Variants in NAA60 observed in about 807,000 individuals in gnomAD.
NAA60 encodes the protein N-alpha-acetyltransferase 60.
NAA60 carries 8 observed loss-of-function variants against 26.1 expected under a neutral mutation model. The observed-to-expected ratio is 0.31, with a 90% confidence interval of 0.18 to 0.55. The LOEUF (loss-of-function observed/expected upper bound fraction) is 0.55, where lower values mean the gene tolerates loss of function less well. NAA60 is among the 20% of genes least tolerant of loss of function. The probability of loss-of-function intolerance (pLI) is 0.93; values close to 1 mark genes in which losing one functional copy is unlikely to be tolerated. For missense variants in NAA60, 290 were observed against 311.3 expected (o/e 0.93, Z 0.51); for synonymous variants, 131 against 122.5 (o/e 1.07, Z -0.46).
intron 3 of NAA60, among the ~76,000 whole-genome samples, chr16:3,479,007 G>C (rs768029577): frequency 9.2e-5 from 14 of 152,030 alleles, no homozygotes; most frequent in Non-Finnish European, 1.9e-4. Context: ...AGGCCAAGAC[G>C]GGCAGATCAC....
intron 2 of NAA60, chr16:3,450,055 G>T: frequency 2.5e-6 from 1 of 397,308 alleles, no homozygotes; most frequent in South Asian, 1.3e-4. Flanking sequence ...GAAGAAGAAG[G>T]AACTAAAGAA....
At chr16:3,449,853 T>G (rs2034704194) in intron 2 of NAA60, 4 of 373,126 alleles carry the variant, frequency 1.1e-5, no homozygotes, top group East Asian at 3.7e-5. Context: ...GGAGTTTCCC[T>G]GCACAAGCCC....
intron 2 of NAA60, among the ~76,000 whole-genome samples, chr16:3,463,748 G>T (rs2035565684): frequency 1.3e-5 from 2 of 151,710 alleles, no homozygotes; most frequent in Non-Finnish European, 1.5e-5. Context: ...GCTTGTGCCT[G>T]TAATCCTAGC....
intron 2 of NAA60, among the ~76,000 whole-genome samples, chr16:3,470,307 C>T (rs1049897477): frequency 6.6e-6 from 1 of 152,178 alleles, no homozygotes; most frequent in Non-Finnish European, 1.5e-5. Flanking sequence ...TCCAGGGAAG[C>T]CCAGGTACAC....
intron 2 of NAA60, among the ~76,000 whole-genome samples, chr16:3,466,070 C>A (rs905979492): frequency 3.3e-5 from 5 of 152,228 alleles, no homozygotes; most frequent in African/African-American, 1.2e-4. Flanking sequence ...CCCAGCAGAT[C>A]CGTACGTTTT....
chr16:3,476,405 G>C (rs2036486799), intron 3 of NAA60, 68 bp downstream of exon 3: 2 of 1,337,894 alleles, frequency 1.5e-6, no homozygotes, highest in Admixed American at 1.9e-5. Context: ...GGGCGGCGGG[G>C]GTGGGGGCCT....
At chr16:3,482,633 C>A in intron 5 of NAA60, 35 bp downstream of exon 5, 2 of 1,492,286 alleles carry the variant, frequency 1.3e-6, no homozygotes, top group Non-Finnish European at 1.8e-6. Context: ...TGGCGCCCAC[C>A]CCACCCCCTT....
intron 1 of NAA60, among the ~76,000 whole-genome samples, chr16:3,446,839 GGC>G (rs923596424): frequency 5.3e-5 from 8 of 152,028 alleles, no homozygotes; most frequent in African/African-American, 1.9e-4. Context: ...TCAAACTCCT[GGC>G]CTCAAGTGAT....
chr16:3,469,952 C>T (rs1373234295), intron 2 of NAA60, among the ~76,000 whole-genome samples: 2 of 152,216 alleles, frequency 1.3e-5, no homozygotes, highest in South Asian at 2.1e-4. Context: ...CATCACTGTG[C>T]TCAAGGAAGG....
At chr16:3,458,208 G>T (rs995149130) in intron 2 of NAA60, 287 of 983,780 alleles carry the variant, frequency 2.9e-4, no homozygotes, top group Non-Finnish European at 3.4e-4. Context: ...CGGCCGCCGG[G>T]GCTCGGACCT....
At chr16:3,445,210 A>T (rs2150938999) in intron 1 of NAA60, among the ~76,000 whole-genome samples, 1 of 151,220 alleles carries the variant, frequency 6.6e-6, no homozygotes, top group South Asian at 2.1e-4. Flanking sequence ...AGTAAAGGAG[A>T]TGTTCATGGT....
At chr16:3,465,861 A>AC (rs766807983) in intron 2 of NAA60, among the ~76,000 whole-genome samples, 20 of 152,238 alleles carry the variant, frequency 1.3e-4, no homozygotes, top group Non-Finnish European at 2.4e-4. Flanking sequence ...AGACCCCGAT[A>AC]CCCAGGGTAG....
At chr16:3,460,901 C>T (rs2035347430) in intron 2 of NAA60, among the ~76,000 whole-genome samples, 1 of 152,190 alleles carries the variant, frequency 6.6e-6, no homozygotes, top group African/African-American at 2.4e-5. Context: ...AGGATCAGGA[C>T]TCCTTCCCTA....
chr16:3,485,070 C>A lies in NAA60; in HGVS notation c.*206+9C>A, dbSNP rs895900931. ...ATGCCCATCCGTGGCAGGTACGCCA[C>A]AGCAGACACAAAGGTATGGGAGCTT... On this transcript the variant is annotated intron_variant, in intron 7 of 7. Coordinates refer to ENST00000407558, the MANE Select transcript of NAA60 (RefSeq NM_001083601.3). The A allele has an allele frequency of 7.0e-7, 1 of 1,421,968 alleles. No individual in the cohort carries two copies. 88.1% of individuals were successfully genotyped at this position (1,421,968 alleles called of 1,614,324 possible).
In NAA60 at chr16:3,476,178, G is replaced by A. The variant is rs767941390; in HGVS notation, c.-6-44G>A. ...TGCCTCACAAGCTGAGCATGAGGAA[G>A]ACCAGGCTGTGAGGTGACGCGTCCC... is the stretch of plus-strand genomic sequence containing the variant. On this transcript the variant is annotated intron_variant, in intron 2 of 7. Transcript: ENST00000407558. 1.4e-5 allele frequency: 20 copies of A among 1,468,990 alleles called. No homozygotes were observed. In the East Asian group the frequency reaches 4.3e-4, roughly 32 times the overall value. The allele number at this position is 1,468,990 out of a possible 1,614,324, so 91.0% of individuals were successfully genotyped here. A position where few individuals can be genotyped will look rare whatever the true frequency, so the allele number is the denominator to read the frequency against.
intron 2 of NAA60, 66 bp from the exon 3 acceptor site, chr16:3,476,156 C>A: frequency 7.7e-7 from 1 of 1,292,392 alleles, no homozygotes; most frequent in Non-Finnish European, 1.1e-6. Flanking sequence ...TCTCGCCTGC[C>A]TCACAAGCTG....
chr16:3,482,163 C>T (rs996758527), intron 4 of NAA60, among the ~76,000 whole-genome samples: 6 of 152,292 alleles, frequency 3.9e-5, no homozygotes, highest in South Asian at 2.1e-4. Context: ...CCATGAGGCC[C>T]GCGTGGTGCT....
chr16:3,465,572 A>C (rs2035702392), intron 2 of NAA60, among the ~76,000 whole-genome samples: 1 of 152,176 alleles, frequency 6.6e-6, no homozygotes, highest in Non-Finnish European at 1.5e-5. Flanking sequence ...TTAGTACAGC[A>C]ACCTCAGACA....
intron 2 of NAA60, among the ~76,000 whole-genome samples, chr16:3,457,618 C>T (rs1326400617): frequency 6.6e-6 from 1 of 152,242 alleles, no homozygotes; most frequent in African/African-American, 2.4e-5. Context: ...GGTGGTCGGC[C>T]AGGAGCCAGC....
Sources: allele counts gnomAD v4.1 joint callset (sites outside exome capture counted in the v4.1 genomes callset), GRCh38; gene constraint gnomAD v4.1.1; transcripts MANE v1.5; gene names NCBI Gene and HGNC (gene_info 2026-07-23, HGNC 2026-07-21).